Variants in PARP4 observed in about 807,000 individuals in gnomAD.
PARP4 encodes protein mono-ADP-ribosyltransferase PARP4.
In PARP4, 120 loss-of-function variants were observed where a neutral mutation model predicts 187.7. That is an observed-to-expected ratio of 0.64 (90% CI 0.55 to 0.74). The LOEUF (loss-of-function observed/expected upper bound fraction) is 0.74, where lower values mean the gene tolerates loss of function less well. Ranked by LOEUF, PARP4 falls within the 30% of genes least tolerant of loss-of-function variation. The pLI, the probability that PARP4 is intolerant of heterozygous loss-of-function variation, is 0.00. For synonymous variants in PARP4, 654 were observed against 740.9 expected (o/e 0.88, Z 1.90); for missense variants, 1,836 against 2,070.5 (o/e 0.89, Z 2.20).
chr13:24,426,479 C>T lies in PARP4; in HGVS notation c.4966G>A (p.Ala1656Thr), dbSNP rs7571. The T allele has an allele frequency of 1.1e-4, 173 of 1,608,438 alleles. No homozygotes were observed. The African/African-American group carries it at 2.0e-3, about 18-fold the overall frequency. The part of the protein sequence containing the change: ...VFKSLMKMDD[A>T]SISRNIPWAF... The stretch of plus-strand genomic sequence containing the variant: ...AGTTAAAGCCACCTGGAAATAGAAG[C>T]GTCATCCATTTTCATCAGTGATTTG... The change falls in exon 33 of 34, where the codon GCT (alanine) becomes ACT (threonine). Residue 1656 changes from alanine to threonine, a missense_variant. Physicochemically the swap from Ala to Thr is moderately conservative, Grantham distance 58. This residue lies in a region of PARP4 where 45 missense variants were observed against 53.1 expected (regional missense o/e 0.85). Transcript: ENST00000381989.
At chr13:24,455,262 G>A in intron 21 of PARP4, 50 bp from the exon 22 acceptor site, 1 of 1,412,030 alleles carries the variant, frequency 7.1e-7, no homozygotes, top group South Asian at 1.4e-5. Context: ...CACTTCAACT[G>A]CAAAAGGTCT....
chr13:24,483,651 A>AC (rs1873397130), intron 12 of PARP4, among the ~76,000 whole-genome samples: 1 of 151,996 alleles, frequency 6.6e-6, no homozygotes, highest in African/African-American at 2.4e-5. Flanking sequence ...TTTGAGACAG[A>AC]ATCTTGCTCT....
At chr13:24,453,832 A>G (rs576969655) in intron 22 of PARP4, among the ~76,000 whole-genome samples, 178 bp from the exon 23 acceptor site, 16 of 152,296 alleles carry the variant, frequency 1.1e-4, no homozygotes, top group Non-Finnish European at 2.4e-4. Context: ...GATTGTCCAC[A>G]GGCCAGGCAC....
At chr13:24,427,365 A>G (rs117021145) in intron 32 of PARP4, among the ~76,000 whole-genome samples, 2,450 of 131,518 alleles carry the variant, frequency 0.019, 36 homozygotes, top group Non-Finnish European at 0.027. Context: ...TAAAAATCCA[A>G]GCTTCTTTTT....
intron 27 of PARP4, among the ~76,000 whole-genome samples, chr13:24,445,444 C>A (rs1370968136): frequency 6.6e-6 from 1 of 151,926 alleles, no homozygotes; most frequent in East Asian, 1.9e-4. Flanking sequence ...GAGAGTTAAT[C>A]ACCAATGGCC....
rs777737732 is a variant in PARP4 at position 24,434,649 on chromosome 13, GA to G, written c.4491del (p.Leu1498SerfsTer4). ...CCTACTGATTCTTCTAGAAGACAGA[GA>G]TCTACTGGGGTAGTCCGGGACTGAC... is the stretch of plus-strand genomic sequence containing the variant. ...LCSQSRTTPV[D>X]LCLLEESVGS... On this transcript the variant is annotated frameshift_variant, in exon 31 of 34. Transcript: ENST00000381989. LOFTEE classifies it high-confidence loss of function. 1 of 1,613,748 alleles carries G rather than the reference GA, an allele frequency of 6.2e-7. No homozygotes were observed. Among genetic ancestry groups the G allele is most frequent in the Non-Finnish European group, 8.5e-7 (1 of 1,179,742 alleles).
intron 22 of PARP4, 78 bp downstream of exon 22, chr13:24,454,939 C>G: frequency 8.3e-7 from 1 of 1,210,016 alleles, no homozygotes; most frequent in Non-Finnish European, 1.1e-6. Flanking sequence ...GGGTCGGGTA[C>G]CCACAGTTGT....
At chr13:24,487,476 G>C (rs61948873) in intron 10 of PARP4, among the ~76,000 whole-genome samples, 1 of 151,964 alleles carries the variant, frequency 6.6e-6, no homozygotes, top group Admixed American at 6.6e-5. Flanking sequence ...CAGGATAACA[G>C]GATCTGGATT....
chr13:24,424,365 T>A (rs1183900302), intron 33 of PARP4, among the ~76,000 whole-genome samples: 1 of 152,090 alleles, frequency 6.6e-6, no homozygotes. Context: ...CAACCTTTTT[T>A]TTCTATTGCC....
chr13:24,504,221 T>C (rs1017486613), intron 1 of PARP4, among the ~76,000 whole-genome samples: 11 of 151,834 alleles, frequency 7.2e-5, no homozygotes, highest in Admixed American at 1.3e-4. Context: ...GGGGAAAAAC[T>C]GAACAGCTGA....
intron 1 of PARP4, among the ~76,000 whole-genome samples, chr13:24,505,091 C>T (rs1400921622): frequency 6.6e-6 from 1 of 151,356 alleles, no homozygotes; most frequent in East Asian, 1.9e-4. Context: ...TAATCTCTGC[C>T]CACTGCAATC....
chr13:24,463,548 CAT>C (rs1178787986), intron 17 of PARP4, among the ~76,000 whole-genome samples: 1 of 152,132 alleles, frequency 6.6e-6, no homozygotes. Context: ...ACAAAAGCCA[CAT>C]GATTATCTCA....
intron 15 of PARP4, among the ~76,000 whole-genome samples, chr13:24,470,935 T>C (rs1333536662): frequency 1.3e-5 from 2 of 152,076 alleles, no homozygotes; most frequent in African/African-American, 4.8e-5. Flanking sequence ...TCTCTTGCCA[T>C]CCTGCAAATG....
intron 12 of PARP4, among the ~76,000 whole-genome samples, chr13:24,480,047 AG>A (rs1488952161): frequency 6.7e-6 from 1 of 149,124 alleles, no homozygotes; most frequent in African/African-American, 2.6e-5. Flanking sequence ...ACCAGAAGGA[AG>A]AAACTCCGAA....
At chr13:24,502,473 C>T (rs374950952) in intron 2 of PARP4, among the ~76,000 whole-genome samples, 5 of 152,384 alleles carry the variant, frequency 3.3e-5, no homozygotes, top group East Asian at 3.9e-4. Flanking sequence ...ACTTGCTCCT[C>T]GCGAATCCTG....
chr13:24,430,157 C>T (rs7325792), intron 32 of PARP4, among the ~76,000 whole-genome samples: 129,795 of 141,352 alleles, frequency 0.92, 59,558 homozygotes, highest in East Asian at 0.98. Context: ...ATTCCAGGAT[C>T]AAGCACTCAC....
rs1233823030 is a variant in PARP4, at chr13:24,455,614, C to CTTTT, written c.2563-406_2563-403dup. ...ATTTAACTACTATCATGTAAGTTTC[C>CTTTT]TTTTTTTTTTTTTTTTTTTTTGAGA... is the stretch of plus-strand genomic sequence containing the variant. On this transcript the variant is annotated intron_variant, in intron 21 of 33. Coordinates refer to ENST00000381989, the MANE Select transcript of PARP4 (RefSeq NM_006437.4). 7.4e-3 allele frequency among the ~76,000 whole-genome samples: 859 copies of CTTTT among 116,234 alleles called. 29 individuals are homozygous for CTTTT. Among genetic ancestry groups the CTTTT allele is most frequent in the African/African-American group, 0.026 (797 of 30,460 alleles). 76.3% of individuals were successfully genotyped at this position (116,234 alleles called of 152,430 possible). A position where few individuals can be genotyped will look rare whatever the true frequency, so the allele number is the denominator to read the frequency against.
intron 33 of PARP4, among the ~76,000 whole-genome samples, chr13:24,425,565 G>GTA (rs1266200379): frequency 2.3e-3 from 305 of 132,922 alleles, no homozygotes; most frequent in African/African-American, 3.2e-3. Context: ...GTGTGTGTGT[G>GTA]TGTGTATATC....
Position 24,434,829 on chromosome 13 carries a change from G to T in PARP4, c.4312C>A (p.His1438Asn). 1 of 1,613,678 alleles carries T rather than the reference G, an allele frequency of 6.2e-7. No individual in the cohort carries two copies. The highest frequency in any genetic ancestry group is 1.1e-5 in the South Asian group (1 of 91,032). Residue 1438 changes from histidine to asparagine, a missense_variant, in exon 31 of 34, where the codon CAT becomes AAT. His to Asn is a moderately conservative substitution (Grantham distance 68). This residue lies in a region of PARP4 where 450 missense variants were observed against 439.2 expected (regional missense o/e 1.02). Coordinates refer to ENST00000381989, the MANE Select transcript of PARP4 (RefSeq NM_006437.4). ...TFPELDSPQL[H>N]FSLPTDPDPI... is the part of the protein sequence containing the mutation. The stretch of plus-strand genomic sequence containing the variant: ...TCAGGGTCTGTAGGAAGAGAGAAAT[G>T]AAGCTGGGGAGAATCCAGCTCAGGG...
Sources: gnomAD v4.1 joint callset for allele counts (sites outside exome capture counted in the v4.1 genomes callset) on GRCh38, gnomAD v4.1.1 for gene constraint, gnomAD v4.1.1 regional missense constraint, MANE v1.5 for transcripts, NCBI Gene and HGNC (gene_info 2026-07-23, HGNC 2026-07-21) for gene names.